Variants in HAUS6 observed in about 807,000 individuals in gnomAD.
HAUS6 encodes HAUS augmin-like complex subunit 6.
Under a neutral mutation model 106.8 loss-of-function variants are expected in HAUS6, and 80 were observed. The observed-to-expected ratio is 0.75, with a 90% CI of 0.63 to 0.90. HAUS6 has a LOEUF of 0.90. Among genes scored for constraint, HAUS6 ranks in the 40% least tolerant of loss-of-function variants. The probability of loss-of-function intolerance (pLI) is 0.00; values close to 1 mark genes in which losing one functional copy is unlikely to be tolerated. For missense variants in HAUS6, 1,155 were observed against 1,118.1 expected, an observed-to-expected ratio of 1.03 and a Z score of -0.47; for synonymous variants, 356 against 379.1, an observed-to-expected ratio of 0.94 and a Z score of 0.71.
At position 19,063,706 on chromosome 9, in the gene HAUS6, T is replaced by C. The variant is rs1836687654; in HGVS notation, c.1377-126A>G. On this transcript the variant is annotated intron_variant, in intron 12 of 16. Coordinates refer to ENST00000380502, the MANE Select transcript of HAUS6 (RefSeq NM_017645.5). ...TACGATTTCACTCAATTCGTCCCGGTCATCAAAAGGCAGTTTATTCTAGGG... is the reference window on the plus strand; with the variant it reads ...TACGATTTCACTCAATTCGTCCCGGCCATCAAAAGGCAGTTTATTCTAGGG... 5 of 794,316 alleles carry C rather than the reference T, an allele frequency of 6.3e-6. No homozygotes were observed. The East Asian group carries it at 1.2e-4, about 20-fold the overall frequency. 49.2% of individuals were successfully genotyped at this position (794,316 alleles called of 1,614,324 possible).
Position 19,102,758 on chromosome 9 carries a change from T to C in HAUS6, c.-107A>G, listed in dbSNP as rs987503254. On this transcript the variant is annotated 5_prime_UTR_variant, in exon 1 of 17. Coordinates refer to ENST00000380502, the MANE Select transcript of HAUS6 (RefSeq NM_017645.5). ...GTCAGCCTGAGGTCGCGGTGGTCCT[T>C]CCATTGCCAACGCCTGCTCCTTTCA... 1.0e-5 allele frequency: 11 copies of C among 1,091,484 alleles called. No homozygotes were observed. The South Asian group carries it at 1.8e-4, about 17-fold the overall frequency. 67.6% of individuals were successfully genotyped at this position (1,091,484 alleles called of 1,614,324 possible).
chr9:19,072,104 C>T (rs954950538), intron 11 of HAUS6, among the ~76,000 whole-genome samples: 10 of 151,430 alleles, frequency 6.6e-5, no homozygotes, highest in African/African-American at 1.5e-4. Context: ...CTAGGGGAAG[C>T]GCTTGAACCC....
At chr9:19,081,983 T>C (rs1044324100) in intron 8 of HAUS6, among the ~76,000 whole-genome samples, 5 of 152,170 alleles carry the variant, frequency 3.3e-5, no homozygotes, top group African/African-American at 1.2e-4. Context: ...CTTGATGAAT[T>C]GTGTTTTCTA....
At chr9:19,075,404 C>T (rs545221291) in intron 11 of HAUS6, among the ~76,000 whole-genome samples, 1 of 152,278 alleles carries the variant, frequency 6.6e-6, no homozygotes, top group South Asian at 2.1e-4. Flanking sequence ...CTCAACAAAT[C>T]TGATTTTTAA....
At chr9:19,078,602 A>C (rs866927331) in intron 9 of HAUS6, among the ~76,000 whole-genome samples, 3 of 151,850 alleles carry the variant, frequency 2.0e-5, no homozygotes, top group Non-Finnish European at 4.4e-5. Context: ...AGCCTGGCCA[A>C]TGTGGTGAAA....
At chr9:19,092,477 TAGA>T (rs1300091976) in intron 4 of HAUS6, among the ~76,000 whole-genome samples, 1 of 151,042 alleles carries the variant, frequency 6.6e-6, no homozygotes, top group African/African-American at 2.4e-5. Context: ...TAGCCGGGTG[TAGA>T]AGTGCATGCC....
At position 19,094,309 on chromosome 9, in the gene HAUS6, A is replaced by C; in HGVS notation, c.303+8T>G. 6.6e-7 allele frequency: 1 copy of C among 1,525,874 alleles called. No homozygotes were observed. Among genetic ancestry groups the C allele is most frequent in the South Asian group, 1.2e-5 (1 of 86,130 alleles). The allele number at this position is 1,525,874 out of a possible 1,614,324, so 94.5% of individuals were successfully genotyped here. On this transcript the variant is annotated splice_region_variant and intron_variant, in intron 3 of 16. Transcript: ENST00000380502. ...AAGTCTGTATCTTCTAACAAAAAGAATACTTACAGAAATCCTTTTTATCCA... is the reference window on the plus strand; with the variant it reads ...AAGTCTGTATCTTCTAACAAAAAGACTACTTACAGAAATCCTTTTTATCCA...
chr9:19,091,136 T>C (rs1390376057), intron 4 of HAUS6, among the ~76,000 whole-genome samples: 2 of 151,796 alleles, frequency 1.3e-5, no homozygotes, highest in Admixed American at 6.6e-5. Context: ...CCATCTATAC[T>C]AAAAATACAA....
chr9:19,068,891 A>G (rs113068408), intron 12 of HAUS6, among the ~76,000 whole-genome samples: 2 of 152,328 alleles, frequency 1.3e-5, no homozygotes, highest in African/African-American at 4.8e-5. Flanking sequence ...AAAAAAGGCA[A>G]TAAAGAAAAT....
chr9:19,080,615 A>C lies in HAUS6; in HGVS notation c.928T>G (p.Leu310Val). The change falls in exon 9 of 17, where the codon TTA becomes GTA. Residue 310 changes from leucine (L) to valine (V), a missense_variant. By Grantham distance (32) the Leu-to-Val change is conservative (BLOSUM62 1). This residue lies in a region of HAUS6 where 761 missense variants were observed against 690.0 expected (regional missense o/e 1.10). Transcript: ENST00000380502. Reference protein sequence around the residue: ...GKLNLLTVIQLLNEVLKVMKY... With the variant: ...GKLNLLTVIQVLNEVLKVMKY... ...ATCACCTTCAAGACTTCATTTAATA[A>C]CTGAATAACTGTTAAGAGGTTCAGT... The C allele has an allele frequency of 6.2e-7, 1 of 1,604,802 alleles. No homozygotes were observed. Among genetic ancestry groups the C allele is most frequent in the Non-Finnish European group, 8.5e-7 (1 of 1,171,848 alleles).
rs113507820 is a variant in HAUS6 at position 19,093,307 on chromosome 9, T to C, written c.304-4A>G. On this transcript the variant is annotated splice_region_variant and splice_polypyrimidine_tract_variant and intron_variant, in intron 3 of 16. Transcript: ENST00000380502. ...GAAAGCTACTTCCACATTCACCCTATGAAGAAAAGAAATAAGATGATTTGA... is the reference window on the plus strand; with the variant it reads ...GAAAGCTACTTCCACATTCACCCTACGAAGAAAAGAAATAAGATGATTTGA... 12 of 1,593,924 alleles carry C rather than the reference T, an allele frequency of 7.5e-6. No homozygotes were observed. The highest frequency in any genetic ancestry group is 2.7e-5 in the African/African-American group (2 of 73,730).
At chr9:19,066,423 T>C (rs1307538450) in intron 12 of HAUS6, among the ~76,000 whole-genome samples, 2 of 152,090 alleles carry the variant, frequency 1.3e-5, no homozygotes, top group Non-Finnish European at 2.9e-5. Flanking sequence ...GATATGAGAC[T>C]AGAATTCAAT....
intron 11 of HAUS6, chr9:19,073,789 C>T (rs1588608867): frequency 6.6e-6 from 1 of 152,180 alleles, no homozygotes; most frequent in South Asian, 2.1e-4. Context: ...ATCTGAAGCT[C>T]CCCCTCATTT....
intron 14 of HAUS6, among the ~76,000 whole-genome samples, chr9:19,061,566 G>A (rs931847774): frequency 3.5e-4 from 53 of 152,132 alleles, no homozygotes; most frequent in African/African-American, 1.2e-3. Context: ...CAGGCATGGT[G>A]GCTCATGCCT....
At chr9:19,079,613 T>A (rs1837092263) in intron 9 of HAUS6, among the ~76,000 whole-genome samples, 1 of 152,070 alleles carries the variant, frequency 6.6e-6, no homozygotes, top group Non-Finnish European at 1.5e-5. Flanking sequence ...TCCATTCCTA[T>A]AAGCAGCCCA....
Position 19,058,174 on chromosome 9 carries a change from C to A in HAUS6, c.2593G>T (p.Glu865Ter). 6.2e-7 allele frequency: 1 copy of A among 1,613,892 alleles called. No homozygotes were observed. Among genetic ancestry groups the A allele is most frequent in the Non-Finnish European group, 8.5e-7 (1 of 1,179,844 alleles). The change falls in exon 16 of 17, where the codon GAA (glutamate) becomes TAA (stop). Residue 865 changes from glutamate (E) to a stop codon, truncating the protein, a stop_gained. Coordinates refer to ENST00000380502, the MANE Select transcript of HAUS6 (RefSeq NM_017645.5). LOFTEE classifies it high-confidence loss of function. ...ACATTTTGGGGAGTAGGGCTCAATT[C>A]TGGTTTGTGTCTTTCGGGTGTTTGG... is the stretch of plus-strand genomic sequence containing the variant. ...NSQTPERHKP[E>*]LSPTPQNVQT...
At chr9:19,078,748 A>G (rs1564014305) in intron 9 of HAUS6, among the ~76,000 whole-genome samples, 2 of 151,716 alleles carry the variant, frequency 1.3e-5, no homozygotes, top group African/African-American at 2.4e-5. Context: ...AGATCGTGCC[A>G]TTGCACTCCA....
chr9:19,079,164 CAAAA>C (rs145287970), intron 9 of HAUS6, among the ~76,000 whole-genome samples: 1 of 74,898 alleles, frequency 1.3e-5, no homozygotes, highest in Non-Finnish European at 2.5e-5. Context: ...AATGCCGTCT[CAAAA>C]AAAAAAAAAA....
At chr9:19,081,254 G>A (rs1837142505) in intron 8 of HAUS6, among the ~76,000 whole-genome samples, 1 of 152,184 alleles carries the variant, frequency 6.6e-6, no homozygotes, top group Admixed American at 6.5e-5. Flanking sequence ...AATGTTAATA[G>A]ATGGAAAGAA....
Sources: gnomAD v4.1 joint callset for allele counts (sites outside exome capture counted in the v4.1 genomes callset) on GRCh38, gnomAD v4.1.1 for gene constraint, gnomAD v4.1.1 regional missense constraint, MANE v1.5 for transcripts, NCBI Gene and HGNC (gene_info 2026-07-23, HGNC 2026-07-21) for gene names.